Variants in FANK1 observed in about 807,000 individuals in gnomAD.
The protein encoded by FANK1 is fibronectin type 3 and ankyrin repeat domains protein 1.
In FANK1, 44 loss-of-function variants were observed where a neutral mutation model predicts 45.3. The ratio of observed to expected loss-of-function variants is 0.97; its 90% CI spans 0.76 to 1.25. The LOEUF is 1.25. FANK1 is among the 50% of genes most tolerant of loss of function. The pLI, the probability that FANK1 is intolerant of heterozygous loss-of-function variation, is 0.00. For missense variants in FANK1, 391 were observed against 424.4 expected, an observed-to-expected ratio of 0.92 and a Z score of 0.69; for synonymous variants, 149 against 152.5, an observed-to-expected ratio of 0.98 and a Z score of 0.17.
chr10:125,927,600 A>G (rs1219508237), intron 1 of FANK1, among the ~76,000 whole-genome samples: 1 of 151,566 alleles, frequency 6.6e-6, no homozygotes, highest in Non-Finnish European at 1.5e-5. Flanking sequence ...CCCAAGCTGG[A>G]GTGCAATGGC....
intron 3 of FANK1, among the ~76,000 whole-genome samples, chr10:125,991,385 C>G (rs908778163): frequency 6.6e-6 from 1 of 152,078 alleles, no homozygotes; most frequent in Non-Finnish European, 1.5e-5. Flanking sequence ...TGGTGAGGAT[C>G]AGGTGTCCTC....
rs180913430 is a variant in FANK1 at position 126,007,527 on chromosome 10, C to G, written c.706-880C>G. Among the ~76,000 whole-genome samples, 12 of 152,226 alleles carry G rather than the reference C, an allele frequency of 7.9e-5. No individual in the cohort carries two copies. In the East Asian group the frequency reaches 2.1e-3, roughly 27 times the overall value. On this transcript the variant is annotated intron_variant, in intron 7 of 10. Coordinates refer to ENST00000368693, the MANE Select transcript of FANK1 (RefSeq NM_145235.5). ...TGGATAATCTTATATGTAGAAATAC[C>G]CTGAAGTGCTCCCAAGATCTCCTGG...
At chr10:125,942,243 C>T (rs1416482514) in intron 1 of FANK1, among the ~76,000 whole-genome samples, 2 of 152,062 alleles carry the variant, frequency 1.3e-5, no homozygotes, top group African/African-American at 4.8e-5. Flanking sequence ...CCGAGAGCCA[C>T]AAAGGAAACT....
At chr10:125,987,866 T>C (rs1034946941) in intron 2 of FANK1, among the ~76,000 whole-genome samples, 7 of 152,176 alleles carry the variant, frequency 4.6e-5, no homozygotes, top group Admixed American at 2.0e-4. Context: ...GGTGCTGATT[T>C]TGCAGACTGC....
intron 1 of FANK1, among the ~76,000 whole-genome samples, chr10:125,911,270 A>G (rs544718397): frequency 1.2e-3 from 179 of 152,292 alleles, no homozygotes; most frequent in Non-Finnish European, 4.3e-4. Flanking sequence ...TCATAGAGCC[A>G]AGGTGTGTGG....
chr10:125,898,717 G>A (rs985210542), intron 1 of FANK1, among the ~76,000 whole-genome samples: 2 of 152,088 alleles, frequency 1.3e-5, no homozygotes, highest in African/African-American at 4.8e-5. Flanking sequence ...GTAACCATGT[G>A]AGAAATGTAT....
At chr10:125,944,953 T>G (rs1948678348) in intron 1 of FANK1, among the ~76,000 whole-genome samples, 1 of 152,184 alleles carries the variant, frequency 6.6e-6, no homozygotes, top group African/African-American at 2.4e-5. Context: ...TGTCTTTAAT[T>G]CCTCTAGTGC....
chr10:125,927,656 T>C (rs1422264493), intron 1 of FANK1, among the ~76,000 whole-genome samples: 1 of 152,078 alleles, frequency 6.6e-6, no homozygotes, highest in African/African-American at 2.4e-5. Context: ...TTCAAGCAAT[T>C]CTCCCTGCCT....
intron 1 of FANK1, among the ~76,000 whole-genome samples, chr10:125,974,150 A>G (rs1950701567): frequency 1.3e-5 from 2 of 152,188 alleles, no homozygotes; most frequent in South Asian, 4.1e-4. Flanking sequence ...CAATTCCATC[A>G]TGCTTTCTAT....
intron 5 of FANK1, 127 bp downstream of exon 5, chr10:125,996,751 A>C: frequency 1.2e-6 from 1 of 807,220 alleles, no homozygotes; most frequent in Non-Finnish European, 2.0e-6. Context: ...CTATCTCCCA[A>C]ACCGTACCAT....
At chr10:125,966,296 T>A (rs988472994) in intron 1 of FANK1, among the ~76,000 whole-genome samples, 3 of 152,234 alleles carry the variant, frequency 2.0e-5, no homozygotes, top group Admixed American at 1.3e-4. Context: ...TTTCATTAGA[T>A]GATGTATTCT....
chr10:125,935,725 T>C (rs1423219656), intron 1 of FANK1, among the ~76,000 whole-genome samples: 1 of 152,208 alleles, frequency 6.6e-6, no homozygotes, highest in Non-Finnish European at 1.5e-5. Context: ...AATATATTTC[T>C]ATAATATCTT....
chr10:125,932,356 TTG>T (rs1301212314), intron 1 of FANK1, among the ~76,000 whole-genome samples: 2 of 152,198 alleles, frequency 1.3e-5, no homozygotes, highest in South Asian at 2.1e-4. Flanking sequence ...TTCCATTTGT[TTG>T]TGTCATCTAT....
At chr10:125,994,421 CA>C (rs1187069368) in intron 3 of FANK1, 2 of 984,822 alleles carry the variant, frequency 2.0e-6, no homozygotes, top group African/African-American at 3.5e-5. Flanking sequence ...TTTTTTAGAC[CA>C]GGGATTATAA....
At chr10:125,945,674 A>C (rs997922883) in intron 1 of FANK1, among the ~76,000 whole-genome samples, 2 of 152,164 alleles carry the variant, frequency 1.3e-5, no homozygotes, top group African/African-American at 4.8e-5. Context: ...AGGCTGGGGG[A>C]GGGGTGCCTG....
intron 3 of FANK1, among the ~76,000 whole-genome samples, chr10:125,990,268 A>T (rs766486047): frequency 3.3e-5 from 5 of 152,192 alleles, no homozygotes; most frequent in Non-Finnish European, 7.3e-5. Context: ...GTTCCTTAAT[A>T]AATAAGTCAG....
chr10:125,989,474 G>A (rs1212750049), intron 3 of FANK1: 3 of 950,398 alleles, frequency 3.2e-6, no homozygotes, highest in Non-Finnish European at 5.0e-6. Context: ...GCTTTCAACT[G>A]TGTCCTTTAG....
At chr10:125,951,623 G>T (rs1308717947) in intron 1 of FANK1, among the ~76,000 whole-genome samples, 2 of 152,092 alleles carry the variant, frequency 1.3e-5, no homozygotes, top group Non-Finnish European at 2.9e-5. Context: ...ACATTTTGTT[G>T]GTGATCATGA....
intron 1 of FANK1, among the ~76,000 whole-genome samples, chr10:125,921,326 T>G (rs1462648072): frequency 5.3e-5 from 8 of 152,194 alleles, no homozygotes; most frequent in Admixed American, 5.2e-4. Flanking sequence ...AGCCTTTGAG[T>G]CTGGCTACTT....
Sources: allele counts gnomAD v4.1 joint callset (sites outside exome capture counted in the v4.1 genomes callset), GRCh38; gene constraint gnomAD v4.1.1; transcripts MANE v1.5; gene names NCBI Gene and HGNC (gene_info 2026-07-23, HGNC 2026-07-21).